SLC35B2: variants seen among roughly 807,000 people sequenced by gnomAD.
SLC35B2 encodes the protein solute carrier family 35 member B2.
In SLC35B2, 19 loss-of-function variants were observed where a neutral mutation model predicts 37.9. The observed-to-expected ratio is 0.50, with a 90% CI of 0.35 to 0.74. The LOEUF (loss-of-function observed/expected upper bound fraction) is 0.74. Ranked by LOEUF, SLC35B2 falls within the 30% of genes least tolerant of loss-of-function variation. SLC35B2 has a pLI of 0.01. For synonymous variants in SLC35B2, 277 were observed against 225.2 expected, an observed-to-expected ratio of 1.23 and a Z score of -2.06; for missense variants, 633 against 547.6, an observed-to-expected ratio of 1.16 and a Z score of -1.56.
Position 44,255,042 on chromosome 6 carries a change from C to G in SLC35B2, c.963G>C (p.Gln321His). The G allele has an allele frequency of 6.2e-7, 1 of 1,614,190 alleles. No homozygotes were observed. Among genetic ancestry groups the G allele is most frequent in the Non-Finnish European group, 8.5e-7 (1 of 1,180,024 alleles). The change falls in exon 4 of 4, where the codon CAG becomes CAC. Residue 321 changes from glutamine to histidine, a missense_variant. Coordinates refer to ENST00000393812, the MANE Select transcript of SLC35B2 (RefSeq NM_178148.4). The part of the protein sequence containing the change: ...CLFTVGSLLE[Q>H]GALLEGTRFM... ...AGCGGGTTCCCTCCAGTAGGGCCCCCTGTTCTAGCAGTGAGCCCACTGTGA... is the reference window on the plus strand; with the variant it reads ...AGCGGGTTCCCTCCAGTAGGGCCCCGTGTTCTAGCAGTGAGCCCACTGTGA...
At position 44,254,182 on chromosome 6, in the gene SLC35B2, G is replaced by A. The variant is rs530809450; in HGVS notation, c.*524C>T. 1.2e-4 allele frequency: 26 copies of A among 216,788 alleles called. No homozygotes were observed. The highest frequency in any genetic ancestry group is 5.9e-4 in the African/African-American group (25 of 42,462). 13.4% of individuals were successfully genotyped at this position (216,788 alleles called of 1,614,324 possible). ...TCTAAAGTACCAAAACCTGCAACAG[G>A]CTCATGGAACAGAGCCTAGGGATCC... On this transcript the variant is annotated 3_prime_UTR_variant, in exon 4 of 4. Coordinates refer to ENST00000393812, the MANE Select transcript of SLC35B2 (RefSeq NM_178148.4).
rs1222364146 is a variant in SLC35B2 at position 44,256,319 on chromosome 6, A to G, written c.360+23T>C. On this transcript the variant is annotated intron_variant, in intron 3 of 3. Coordinates refer to ENST00000393812, the MANE Select transcript of SLC35B2 (RefSeq NM_178148.4). ...GCCCACCGGCATCCAACCCAGGAAG[A>G]GAGGCTGAGCCCACCTACCCACCTG... 2.5e-6 allele frequency: 4 copies of G among 1,586,660 alleles called. No homozygotes were observed. The African/African-American group carries it at 4.1e-5, about 16-fold the overall frequency.
intron 1 of SLC35B2, chr6:44,257,095 C>T (rs1424078861): frequency 1.6e-5 from 10 of 627,420 alleles, no homozygotes; most frequent in Middle Eastern, 4.3e-4. Flanking sequence ...GGCGGATCCG[C>T]CCCTCTGGCC....
chr6:44,256,538 A>G (rs1445182120), intron 2 of SLC35B2, 42 bp from the exon 3 acceptor site: 12 of 1,613,712 alleles, frequency 7.4e-6, no homozygotes, highest in Non-Finnish European at 9.3e-6. Flanking sequence ...TCTTCTCCAT[A>G]GCACTTCATC....
Position 44,256,476 on chromosome 6 carries a change from G to A in SLC35B2, c.226C>T (p.Leu76=), listed in dbSNP as rs1175331782. 6.2e-7 allele frequency: 1 copy of A among 1,614,156 alleles called. No homozygotes were observed. The highest frequency in any genetic ancestry group is 1.3e-5 in the African/African-American group (1 of 75,020). Reference sequence around the variant, plus strand: ...TTGCCAAACACACAAGCTTTCACCAGGGGAAAGCAGAGGCCCCTACCTGAA... The same window carrying A: ...TTGCCAAACACACAAGCTTTCACCAAGGGAAAGCAGAGGCCCCTACCTGAA... ...LETGRGLCFP[L]VKACVFGNEP... Residue 76 remains leucine, a synonymous_variant, in exon 3 of 4, where the codon CTG becomes TTG. Transcript: ENST00000393812.
At chr6:44,256,606 A>C in intron 2 of SLC35B2, 79 bp downstream of exon 2, 1 of 1,611,046 alleles carries the variant, frequency 6.2e-7, no homozygotes, top group East Asian at 2.2e-5. Flanking sequence ...CGCCCTCTCC[A>C]AGTCATATCC....
intron 2 of SLC35B2, 36 bp from the exon 3 acceptor site, chr6:44,256,532 C>T (rs759840864): frequency 2.3e-5 from 37 of 1,613,644 alleles, no homozygotes; most frequent in African/African-American, 4.0e-5. Flanking sequence ...CCCAAATCTT[C>T]TCCATAGCAC....
chr6:44,255,169 A>G lies in SLC35B2; in HGVS notation c.836T>C (p.Ile279Thr), dbSNP rs1781266717. 11 of 1,614,114 alleles carry G rather than the reference A, an allele frequency of 6.8e-6. 1 individual carries two copies. In the East Asian group the frequency reaches 2.4e-4, roughly 36 times the overall value. ...GTTTGAGGTGAAGCTGTCAAAAGCA[A>G]TATAACCTGCCAGTAAGATGAGGCC... The part of the protein sequence containing the change: ...LSGLILLAGY[I>T]AFDSFTSNWQ... The change falls in exon 4 of 4, where the codon ATT becomes ACT. Residue 279 changes from isoleucine (I) to threonine (T), a missense_variant. Ile to Thr is a moderately conservative substitution (Grantham distance 89). Transcript: ENST00000393812.
chr6:44,254,546 G>C lies in SLC35B2; in HGVS notation c.*160C>G. Reference sequence around the variant, plus strand: ...ATGGGTGACTTAAGGCAAAAGGGAAGGCTGCCTCCTGGGCTCCCCAATCCC... The same window carrying C: ...ATGGGTGACTTAAGGCAAAAGGGAACGCTGCCTCCTGGGCTCCCCAATCCC... On this transcript the variant is annotated 3_prime_UTR_variant, in exon 4 of 4. Transcript: ENST00000393812. 1 of 802,958 alleles carries C rather than the reference G, an allele frequency of 1.2e-6. No homozygotes were observed. The highest frequency in any genetic ancestry group is 1.9e-6 in the Non-Finnish European group (1 of 519,430). 49.7% of individuals were successfully genotyped at this position (802,958 alleles called of 1,614,324 possible). A position where few individuals can be genotyped will look rare whatever the true frequency, so the allele number is the denominator to read the frequency against.
At position 44,255,519 on chromosome 6, in the gene SLC35B2, C is replaced by T; in HGVS notation, c.486G>A (p.Leu162=). 1.2e-6 allele frequency: 2 copies of T among 1,614,214 alleles called. No individual in the cohort carries two copies. The highest frequency in any genetic ancestry group is 1.7e-6 in the Non-Finnish European group (2 of 1,180,040). Residue 162 remains leucine (L), a synonymous_variant, in exon 4 of 4, where the codon CTG becomes CTA. Transcript: ENST00000393812. ...SQFLVLMNRV[L]ALIVAGLSCV... is the part of the protein sequence containing the mutation. ...AGGAGAGGCCAGCCACAATCAGTGC[C>T]AGCACTCGGTTCATTAGCACCAGGA...
rs565377883 is a variant in SLC35B2 at position 44,254,744 on chromosome 6, T to C, written c.1261A>G (p.Lys421Glu). 3.7e-6 allele frequency: 6 copies of C among 1,613,794 alleles called. No homozygotes were observed. Among genetic ancestry groups the C allele is most frequent in the East Asian group, 2.2e-5 (1 of 44,866 alleles). The change falls in exon 4 of 4, where the codon AAG becomes GAG. Residue 421 changes from lysine (K) to glutamate (E), a missense_variant. Coordinates refer to ENST00000393812, the MANE Select transcript of SLC35B2 (RefSeq NM_178148.4). ...ARGRLKQRGK[K>E]AVPVESPVQK... The stretch of plus-strand genomic sequence containing the variant: ...ACAGGAGACTCAACAGGCACAGCCT[T>C]CTTTCCCCGTTGCTTTAGACGGCCC...
rs1353253827 is a variant in SLC35B2 at position 44,256,741 on chromosome 6, A to G, written c.149T>C (p.Met50Thr). The change falls in exon 2 of 4, where the codon ATG becomes ACG. Residue 50 changes from methionine to threonine, a missense_variant. Physicochemically the swap from Met to Thr is moderately conservative, Grantham distance 81. Coordinates refer to ENST00000393812, the MANE Select transcript of SLC35B2 (RefSeq NM_178148.4). ...CTGCACCAGGAGGTAGCCAGGTACCATAAAGCTGGCATAGCCAGCAGCATT... is the reference window on the plus strand; with the variant it reads ...CTGCACCAGGAGGTAGCCAGGTACCGTAAAGCTGGCATAGCCAGCAGCATT... ...VVNAAGYASF[M>T]VPGYLLVQYF... The G allele has an allele frequency of 6.2e-7, 1 of 1,614,174 alleles. No individual in the cohort carries two copies. Among genetic ancestry groups the G allele is most frequent in the African/African-American group, 1.3e-5 (1 of 75,056 alleles).
Position 44,255,338 on chromosome 6 carries a change from CAG to C in SLC35B2, c.665_666del (p.Pro222ArgfsTer60), listed in dbSNP as rs1290339328. 5.6e-6 allele frequency: 9 copies of C among 1,614,146 alleles called. No individual in the cohort carries two copies. Among genetic ancestry groups the C allele is most frequent in the Non-Finnish European group, 7.6e-6 (9 of 1,180,060 alleles). On this transcript the variant is annotated frameshift_variant, in exon 4 of 4. Transcript: ENST00000393812. LOFTEE classifies it high-confidence loss of function. ...QVLAKASKVI[P>X]VMLMGKLVSR... ...GACACAAGCTTTCCCATCAGCATGA[CAG>C]GGATCACCTTAGAGGCCTTGGCCAG... is the stretch of plus-strand genomic sequence containing the variant.
At position 44,254,612 on chromosome 6, in the gene SLC35B2, A is replaced by ATT; in HGVS notation, c.*92_*93dup. The ATT allele has an allele frequency of 7.3e-7, 1 of 1,374,146 alleles. No homozygotes were observed. Among genetic ancestry groups the ATT allele is most frequent in the South Asian group, 1.4e-5 (1 of 72,694 alleles). 85.1% of individuals were successfully genotyped at this position (1,374,146 alleles called of 1,614,324 possible). A position where few individuals can be genotyped will look rare whatever the true frequency, so the allele number is the denominator to read the frequency against. On this transcript the variant is annotated 3_prime_UTR_variant, in exon 4 of 4. Coordinates refer to ENST00000393812, the MANE Select transcript of SLC35B2 (RefSeq NM_178148.4). ...TCTGTGATACTGAGAAAACACCTGC[A>ATT]TTTTGCCCTTTCAGCCAGCTCCCTC... is the stretch of plus-strand genomic sequence containing the variant.
intron 3 of SLC35B2, 151 bp from the exon 4 acceptor site, chr6:44,255,795 C>A (rs1781376735): frequency 1.3e-6 from 1 of 751,960 alleles, no homozygotes; most frequent in Middle Eastern, 3.1e-4. Context: ...TTCTCCCCTC[C>A]TAAGTCTGGA....
rs948953934 is a variant in SLC35B2 at position 44,257,443 on chromosome 6, G to A, written c.-33C>T. 3.2e-6 allele frequency: 4 copies of A among 1,250,896 alleles called. No homozygotes were observed. The highest frequency in any genetic ancestry group is 1.5e-5 in the African/African-American group (1 of 64,544). The allele number at this position is 1,250,896 out of a possible 1,614,324, so 77.5% of individuals were successfully genotyped here. A position where few individuals can be genotyped will look rare whatever the true frequency, so the allele number is the denominator to read the frequency against. On this transcript the variant is annotated 5_prime_UTR_variant, in exon 1 of 4. Coordinates refer to ENST00000393812, the MANE Select transcript of SLC35B2 (RefSeq NM_178148.4). ...GCCGCGTGGGGTGGAGGGGGAACCG[G>A]GGAATGCGAGTCCCCGGGCCGCGCG...
chr6:44,257,604 C>T, upstream of SLC35B2: 1 of 296,324 alleles, frequency 3.4e-6, no homozygotes, highest in Non-Finnish European at 5.4e-6. Context: ...GGGCCGCCGC[C>T]GGACCACAGC....
rs1781509219 is a variant in SLC35B2 at position 44,256,417 on chromosome 6, C to A, written c.285G>T (p.Ala95=). 1 of 1,614,196 alleles carries A rather than the reference C, an allele frequency of 6.2e-7. No individual in the cohort carries two copies. The highest frequency in any genetic ancestry group is 1.7e-5 in the Admixed American group (1 of 60,018). ...EPKASDEVPL[A]PRTEAAETTP... Reference sequence around the variant, plus strand: ...TGGTCTCTGCCGCCTCTGTTCGGGGCGCCAGGGGAACCTCATCAGAGGCCT... The same window carrying A: ...TGGTCTCTGCCGCCTCTGTTCGGGGAGCCAGGGGAACCTCATCAGAGGCCT... Residue 95 remains alanine, a synonymous_variant, in exon 3 of 4, where the codon GCG becomes GCT. Coordinates refer to ENST00000393812, the MANE Select transcript of SLC35B2 (RefSeq NM_178148.4).
At position 44,257,211 on chromosome 6, in the gene SLC35B2, G is replaced by T. The variant is rs911979054; in HGVS notation, c.11+189C>A. ...ACGATCCGGGACGTCAGGGTCCCCA[G>T]CCCCTCCGCCCGAAGCTCCCCAAGG... On this transcript the variant is annotated intron_variant, in intron 1 of 3. Coordinates refer to ENST00000393812, the MANE Select transcript of SLC35B2 (RefSeq NM_178148.4). 13 of 602,744 alleles carry T rather than the reference G, an allele frequency of 2.2e-5. No individual in the cohort carries two copies. The South Asian group carries it at 5.1e-4, about 24-fold the overall frequency. The allele number at this position is 602,744 out of a possible 1,614,324, so 37.3% of individuals were successfully genotyped here. A position where few individuals can be genotyped will look rare whatever the true frequency, so the allele number is the denominator to read the frequency against.
Sources: gnomAD v4.1 joint callset for allele counts on GRCh38, gnomAD v4.1.1 for gene constraint, MANE v1.5 for transcripts, NCBI Gene and HGNC (gene_info 2026-07-23, HGNC 2026-07-21) for gene names.